Variants in NTM observed in about 807,000 individuals in gnomAD.
The protein encoded by NTM is IgLON family member 2.
NTM carries 13 observed loss-of-function variants against 42.1 expected under a neutral mutation model. The ratio of observed to expected loss-of-function variants is 0.31; its 90% CI spans 0.20 to 0.49. The LOEUF is 0.49. NTM is among the 20% of genes least tolerant of loss of function. The pLI is 0.99. For missense variants in NTM, 373 were observed against 452.8 expected, an observed-to-expected ratio of 0.82 and a Z score of 1.60; for synonymous variants, 187 against 179.2, an observed-to-expected ratio of 1.04 and a Z score of -0.35.
intron 1 of NTM, among the ~76,000 whole-genome samples, chr11:131,721,486 G>A (rs866581246): frequency 6.6e-6 from 1 of 151,950 alleles, no homozygotes; most frequent in Admixed American, 6.6e-5. Flanking sequence ...AAGCACAGTG[G>A]CTGACATCCT....
chr11:131,725,577 GA>G (rs2078865729), intron 1 of NTM, among the ~76,000 whole-genome samples: 1 of 152,150 alleles, frequency 6.6e-6, no homozygotes, highest in Non-Finnish European at 1.5e-5. Context: ...GAGTTAGAAG[GA>G]AAACTTGCAG....
intron 1 of NTM, among the ~76,000 whole-genome samples, chr11:131,459,249 A>G (rs1018631272): frequency 6.6e-6 from 1 of 152,244 alleles, no homozygotes; most frequent in Non-Finnish European, 1.5e-5. Flanking sequence ...CTGAATAAAC[A>G]GGTGCCCATT....
At chr11:131,649,823 T>C (rs1286158864) in intron 1 of NTM, among the ~76,000 whole-genome samples, 1 of 152,212 alleles carries the variant, frequency 6.6e-6, no homozygotes, top group Non-Finnish European at 1.5e-5. Context: ...ACACTTCTTG[T>C]ATGCTAGTAA....
chr11:131,739,322 C>T (rs891798346), intron 1 of NTM, among the ~76,000 whole-genome samples: 2 of 151,974 alleles, frequency 1.3e-5, no homozygotes, highest in African/African-American at 2.4e-5. Flanking sequence ...CAAATTTCAA[C>T]TTTATCACGT....
At chr11:131,894,975 G>A (rs190665264) in intron 1 of NTM, among the ~76,000 whole-genome samples, 1 of 152,158 alleles carries the variant, frequency 6.6e-6, no homozygotes, top group South Asian at 2.1e-4. Flanking sequence ...CAAGGCTGGC[G>A]CTGTGCCAAG....
intron 1 of NTM, among the ~76,000 whole-genome samples, chr11:131,432,839 C>CCTTTTTTTTTTTTTTTTTTTTTT (rs1565494793): frequency 7.3e-5 from 5 of 68,694 alleles, no homozygotes; most frequent in Admixed American, 3.9e-4. Context: ...ATTTAGCATT[C>CCTTTTTTTTTTTTTTTTTTTTTT]TTTTTTTTTT....
At chr11:131,486,798 C>G (rs1440473975) in intron 1 of NTM, among the ~76,000 whole-genome samples, 1 of 152,116 alleles carries the variant, frequency 6.6e-6, no homozygotes, top group East Asian at 1.9e-4. Flanking sequence ...GCTCATTTCT[C>G]TCTCATTTAG....
chr11:131,779,162 G>A lies in NTM; in HGVS notation c.83-132402G>A, dbSNP rs542647917. Among the ~76,000 whole-genome samples the A allele has an allele frequency of 7.9e-5, 12 of 152,266 alleles. No homozygotes were observed. The East Asian group carries it at 9.6e-4, about 12-fold the overall frequency. ...AGATCACAAGGACCTCAGTTCCAAC[G>A]CCACAGAAAATGAATTCTGCCCACA... On this transcript the variant is annotated intron_variant, in intron 1 of 8. Coordinates refer to ENST00000683400, the MANE Select transcript of NTM (RefSeq NM_001352005.2).
chr11:131,484,048 C>A (rs923694947), intron 1 of NTM, among the ~76,000 whole-genome samples: 2 of 152,110 alleles, frequency 1.3e-5, no homozygotes, highest in Admixed American at 1.3e-4. Context: ...GACAACAAAA[C>A]CAAAGGTAAT....
chr11:131,408,150 A>C (rs1219216817), intron 1 of NTM, among the ~76,000 whole-genome samples: 2 of 152,190 alleles, frequency 1.3e-5, no homozygotes, highest in African/African-American at 4.8e-5. Flanking sequence ...TGGGTCACTC[A>C]GTTGTTCTGT....
chr11:132,124,829 AC>A (rs1334820402), intron 2 of NTM, among the ~76,000 whole-genome samples: 6 of 152,172 alleles, frequency 3.9e-5, no homozygotes, highest in African/African-American at 1.2e-4. Context: ...AAACAAAAAA[AC>A]AACAACATAA....
intron 4 of NTM, among the ~76,000 whole-genome samples, chr11:132,295,648 A>G (rs1027632754): frequency 1.1e-4 from 17 of 152,202 alleles, no homozygotes; most frequent in Non-Finnish European, 2.4e-4. Context: ...ACAGGCACAG[A>G]TCAATACAAT....
intron 1 of NTM, among the ~76,000 whole-genome samples, chr11:131,823,361 A>T (rs920704868): frequency 1.3e-5 from 2 of 152,168 alleles, no homozygotes; most frequent in Non-Finnish European, 2.9e-5. Context: ...GTGATGACTA[A>T]GTGGCCGATG....
chr11:132,144,874 A>T (rs921171158), intron 2 of NTM, among the ~76,000 whole-genome samples: 3 of 152,214 alleles, frequency 2.0e-5, no homozygotes, highest in Admixed American at 2.0e-4. Flanking sequence ...TTCCCACAAG[A>T]ACTCTCAGCA....
At chr11:132,238,516 C>T (rs57114166) in intron 4 of NTM, among the ~76,000 whole-genome samples, 15,140 of 95,806 alleles carry the variant, frequency 0.16, 839 homozygotes, top group Middle Eastern at 0.28. Context: ...ACCACAGCAA[C>T]CCACAATAGA....
At chr11:131,442,030 A>G (rs1169849076) in intron 1 of NTM, among the ~76,000 whole-genome samples, 3 of 152,206 alleles carry the variant, frequency 2.0e-5, no homozygotes, top group African/African-American at 4.8e-5. Context: ...ACAGGGTAAA[A>G]ATTCAGAAGA....
At chr11:132,080,260 A>C (rs2058867381) in intron 2 of NTM, among the ~76,000 whole-genome samples, 2 of 152,298 alleles carry the variant, frequency 1.3e-5, no homozygotes, top group Non-Finnish European at 2.9e-5. Context: ...CAGCCTGTGT[A>C]GGACATCTTT....
chr11:131,878,720 A>G (rs2048986816), intron 1 of NTM, among the ~76,000 whole-genome samples: 1 of 149,096 alleles, frequency 6.7e-6, no homozygotes, highest in South Asian at 2.1e-4. Context: ...TGTCATAGCC[A>G]TTGCCATTTT....
chr11:131,592,002 T>C (rs908147), intron 1 of NTM, among the ~76,000 whole-genome samples: 21,234 of 152,198 alleles, frequency 0.14, 4,215 homozygotes, highest in African/African-American at 0.44. Flanking sequence ...TTTTCCTCCC[T>C]TTATACAAAT....
Sources: gnomAD v4.1 joint callset for allele counts (sites outside exome capture counted in the v4.1 genomes callset) on GRCh38, gnomAD v4.1.1 for gene constraint, MANE v1.5 for transcripts, NCBI Gene and HGNC (gene_info 2026-07-23, HGNC 2026-07-21) for gene names.